CCAR1: variants seen among roughly 807,000 people sequenced by gnomAD.
The protein encoded by CCAR1 is cell division cycle and apoptosis regulator protein 1.
Under a neutral mutation model 163.8 loss-of-function variants are expected in CCAR1, and 78 were observed. The ratio of observed to expected loss-of-function variants is 0.48; its 90% CI spans 0.40 to 0.57. The LOEUF is 0.57. Ranked by LOEUF, CCAR1 falls within the 20% of genes least tolerant of loss-of-function variation. The pLI is 0.00. For synonymous variants in CCAR1, 443 were observed against 460.7 expected, an observed-to-expected ratio of 0.96 and a Z score of 0.49; for missense variants, 1,019 against 1,365.2, an observed-to-expected ratio of 0.75 and a Z score of 4.00.
chr10:68,747,621 A>G, intron 8 of CCAR1, 55 bp downstream of exon 8: 1 of 1,481,056 alleles, frequency 6.8e-7, no homozygotes, highest in Non-Finnish European at 9.2e-7. Context: ...TTGATAATGT[A>G]ACTATGCTTT....
At chr10:68,771,507 G>A in intron 18 of CCAR1, 62 bp downstream of exon 18, 1 of 1,398,172 alleles carries the variant, frequency 7.2e-7, no homozygotes, top group South Asian at 1.3e-5. Flanking sequence ...AAAGGTTGAT[G>A]TTGATTTCCA....
chr10:68,730,685 C>T (rs1026076627), intron 2 of CCAR1, among the ~76,000 whole-genome samples: 3 of 151,930 alleles, frequency 2.0e-5, no homozygotes, highest in African/African-American at 7.3e-5. Flanking sequence ...AAACTTAGCC[C>T]TTAATTTTTT....
At chr10:68,742,863 C>G (rs2056200198) in intron 6 of CCAR1, among the ~76,000 whole-genome samples, 1 of 152,164 alleles carries the variant, frequency 6.6e-6, no homozygotes. Flanking sequence ...AGTGAGCCAC[C>G]CGCCTCAGCT....
At chr10:68,770,467 G>A (rs1047743845) in intron 17 of CCAR1, among the ~76,000 whole-genome samples, 2 of 152,166 alleles carry the variant, frequency 1.3e-5, no homozygotes, top group African/African-American at 2.4e-5. Flanking sequence ...GGTTGGCTTC[G>A]CGGGGTGGCT....
rs1422042948 is a variant in CCAR1 at position 68,788,691 on chromosome 10, G to A, written c.3187+363G>A. ...GTAGAAATGGGGTTTCACCATGTTG[G>A]CCAGGATGGTCTCAAACTCCTGACC... is the stretch of plus-strand genomic sequence containing the variant. On this transcript the variant is annotated intron_variant, in intron 23 of 24. Transcript: ENST00000265872. Among the ~76,000 whole-genome samples the A allele has an allele frequency of 2.0e-5, 3 of 152,094 alleles. No homozygotes were observed. The East Asian group carries it at 5.8e-4, about 30-fold the overall frequency.
chr10:68,783,000 CTT>C lies in CCAR1; in HGVS notation c.2651-3117_2651-3116del, dbSNP rs34366966. Among the ~76,000 whole-genome samples the C allele has an allele frequency of 9.6e-4, 89 of 92,418 alleles. 1 individual carries two copies. Among genetic ancestry groups the C allele is most frequent in the South Asian group, 1.1e-3 (3 of 2,712 alleles). The allele number at this position is 92,418 out of a possible 152,430, so 60.6% of individuals were successfully genotyped here. The stretch of plus-strand genomic sequence containing the variant: ...GATCAGAGAGTAATTTCACTTTACT[CTT>C]TTTTTTTTTTTTTTTTTTGAGACAG... On this transcript the variant is annotated intron_variant, in intron 19 of 24. Coordinates refer to ENST00000265872, the MANE Select transcript of CCAR1 (RefSeq NM_018237.4).
chr10:68,730,425 C>CTTGGG (rs2056020876), intron 2 of CCAR1, among the ~76,000 whole-genome samples: 1 of 151,612 alleles, frequency 6.6e-6, no homozygotes, highest in Non-Finnish European at 1.5e-5. Context: ...GTAACCTCCA[C>CTTGGG]CTCTTGGGTT....
At chr10:68,772,666 G>A (rs954952209) in intron 18 of CCAR1, among the ~76,000 whole-genome samples, 1 of 151,612 alleles carries the variant, frequency 6.6e-6, no homozygotes, top group Admixed American at 6.6e-5. Context: ...GCTGAGGTGG[G>A]TGGATCACTT....
chr10:68,735,502 T>G (rs2056097441), intron 2 of CCAR1, among the ~76,000 whole-genome samples: 1 of 151,352 alleles, frequency 6.6e-6, no homozygotes, highest in South Asian at 2.1e-4. Flanking sequence ...GCATCCTGAG[T>G]AGAATGATCC....
Position 68,757,303 on chromosome 10 carries a change from GAGA to G in CCAR1, c.1849_1851del (p.Lys617del), listed in dbSNP as rs767094021. 6.5e-7 allele frequency: 1 copy of G among 1,546,002 alleles called. No homozygotes were observed. ...TAACTTTGTATGTCAGGATGAAGAA[GAGA>G]AGGATGATGGTGAAGCTAAAGAAAT... On this transcript the variant is annotated inframe_deletion, in exon 15 of 25. Coordinates refer to ENST00000265872, the MANE Select transcript of CCAR1 (RefSeq NM_018237.4).
rs1564538856 is a variant in CCAR1 at position 68,752,929 on chromosome 10, TAGA to T, written c.1119-922_1119-920del. ...ATAGATAGATAGATAGATAGATAGA[TAGA>T]TAGATAGATTCTGTCTGTAGATAGA... On this transcript the variant is annotated intron_variant, in intron 10 of 24. Coordinates refer to ENST00000265872, the MANE Select transcript of CCAR1 (RefSeq NM_018237.4). 1.7e-3 allele frequency among the ~76,000 whole-genome samples: 250 copies of T among 149,876 alleles called. 1 individual carries two copies. Among genetic ancestry groups the T allele is most frequent in the African/African-American group, 5.4e-3 (218 of 40,440 alleles).
chr10:68,766,216 T>C (rs2056533737), intron 17 of CCAR1, 137 bp downstream of exon 17: 3 of 628,472 alleles, frequency 4.8e-6, no homozygotes, highest in Non-Finnish European at 8.0e-6. Flanking sequence ...TTTTTGTTTT[T>C]TTTTGAGACA....
At chr10:68,722,318 T>A (rs1003693293) in intron 1 of CCAR1, 137 bp from the exon 2 acceptor site, 7 of 572,964 alleles carry the variant, frequency 1.2e-5, no homozygotes, top group Non-Finnish European at 2.2e-5. Flanking sequence ...TTGCCCTTTT[T>A]CTACTTAACA....
intron 16 of CCAR1, among the ~76,000 whole-genome samples, chr10:68,765,314 A>G (rs1480539150): frequency 6.6e-6 from 1 of 152,150 alleles, no homozygotes; most frequent in Non-Finnish European, 1.5e-5. Context: ...AATTTTGCCT[A>G]GTTTCAGCTG....
At chr10:68,772,277 G>A (rs1589185006) in intron 18 of CCAR1, among the ~76,000 whole-genome samples, 1 of 152,022 alleles carries the variant, frequency 6.6e-6, no homozygotes, top group East Asian at 1.9e-4. Flanking sequence ...GACTCCAGTA[G>A]TTCAAGACCA....
chr10:68,734,699 G>T (rs1483443025), intron 2 of CCAR1, among the ~76,000 whole-genome samples: 1 of 151,934 alleles, frequency 6.6e-6, no homozygotes, highest in Non-Finnish European at 1.5e-5. Flanking sequence ...TAATTCCTGC[G>T]TTTAATTCAG....
At chr10:68,770,990 A>G (rs2056594609) in intron 17 of CCAR1, among the ~76,000 whole-genome samples, 1 of 152,114 alleles carries the variant, frequency 6.6e-6, no homozygotes, top group Non-Finnish European at 1.5e-5. Flanking sequence ...AGGCAGGAGA[A>G]TGGCGTGAAC....
Position 68,755,481 on chromosome 10 carries a change from G to A in CCAR1, c.1570G>A (p.Ala524Thr). The A allele has an allele frequency of 6.2e-7, 1 of 1,614,150 alleles. No individual in the cohort carries two copies. The highest frequency in any genetic ancestry group is 8.5e-7 in the Non-Finnish European group (1 of 1,179,966). ...EKDPSVLIKT[A>T]IRCCKALTGI... ...AGATCCCTCTGTGTTGATTAAGACTGCTATTCGTTGTTGTAAGGCTCTGAC... is the reference window on the plus strand; with the variant it reads ...AGATCCCTCTGTGTTGATTAAGACTACTATTCGTTGTTGTAAGGCTCTGAC... The change falls in exon 13 of 25, where the codon GCT (alanine) becomes ACT (threonine). Residue 524 changes from alanine to threonine, a missense_variant. By Grantham distance (58) the Ala-to-Thr change is moderately conservative. Around this residue, in one of 4 missense-constraint regions of CCAR1, gnomAD observed 644 missense variants for 904.4 expected, o/e 0.71. Coordinates refer to ENST00000265872, the MANE Select transcript of CCAR1 (RefSeq NM_018237.4).
chr10:68,773,927 C>G (rs2056632417), intron 19 of CCAR1, among the ~76,000 whole-genome samples: 1 of 151,234 alleles, frequency 6.6e-6, no homozygotes, highest in Non-Finnish European at 1.5e-5. Flanking sequence ...GAGTCTTGCT[C>G]TGTTGCCCAG....
Sources: allele counts gnomAD v4.1 joint callset (sites outside exome capture counted in the v4.1 genomes callset), GRCh38; gene constraint gnomAD v4.1.1; regional missense constraint gnomAD v4.1.1; transcripts MANE v1.5; gene names NCBI Gene and HGNC (gene_info 2026-07-23, HGNC 2026-07-21).